The following EAF2 variants were observed in gnomAD, a reference collection of about 807,000 sequenced individuals.
EAF2 encodes ELL associated factor 2.
A neutral mutation model predicts 29.4 loss-of-function variants in EAF2; 29 were observed. The observed-to-expected ratio is 0.99, with a 90% confidence interval of 0.73 to 1.35. The LOEUF is 1.35. Among genes scored for constraint, EAF2 ranks in the 40% most tolerant of loss-of-function variants. The pLI is 0.00. For missense variants in EAF2, 292 were observed against 312.0 expected (o/e 0.94, Z 0.48); for synonymous variants, 103 against 102.5 (o/e 1.00, Z -0.03).
chr3:121,841,874 T>C (rs6781857), intron 1 of EAF2, among the ~76,000 whole-genome samples: 37,312 of 151,318 alleles, frequency 0.25, 4,865 homozygotes, highest in Non-Finnish European at 0.28. Flanking sequence ...GATATGGTGG[T>C]GCACGCCCGT....
intron 4 of EAF2, among the ~76,000 whole-genome samples, chr3:121,863,764 A>C: frequency 6.6e-6 from 1 of 150,776 alleles, no homozygotes; most frequent in Non-Finnish European, 1.5e-5. Flanking sequence ...GAAATCACCC[A>C]TCTTCTGCGT....
Position 121,868,233 on chromosome 3 carries a change from T to C in EAF2, c.485-4304T>C, listed in dbSNP as rs140478405. On this transcript the variant is annotated intron_variant, in intron 4 of 5. Transcript: ENST00000273668. ...AGCTTGAAAGTAAAAGAATAGAAAA[T>C]ATATACCATTTAAACATTAATTTTA... Among the ~76,000 whole-genome samples, 569 of 152,164 alleles carry C rather than the reference T, an allele frequency of 3.7e-3. 3 individuals are homozygous for C. Among genetic ancestry groups the C allele is most frequent in the African/African-American group, 0.013 (534 of 41,514 alleles).
intron 1 of EAF2, among the ~76,000 whole-genome samples, chr3:121,835,629 A>T (rs961394678): frequency 7.2e-5 from 11 of 152,174 alleles, no homozygotes; most frequent in Non-Finnish European, 1.6e-4. Flanking sequence ...ACCAGCAGAC[A>T]GGAAGGGAAA....
At position 121,839,603 on chromosome 3, in the gene EAF2, A is replaced by G. The variant is rs145287500; in HGVS notation, c.106+4212A>G. Among the ~76,000 whole-genome samples, 388 of 152,340 alleles carry G rather than the reference A, an allele frequency of 2.5e-3. 1 individual carries two copies. Among genetic ancestry groups the G allele is most frequent in the African/African-American group, 8.9e-3 (371 of 41,572 alleles). On this transcript the variant is annotated intron_variant, in intron 1 of 5. Transcript: ENST00000273668. ...CAGAAGTATACCGGTGAAAAGTATG[A>G]AAGGAAAATGGCAGTCTAACCTAAA...
At chr3:121,865,724 G>T (rs563697525) in intron 4 of EAF2, among the ~76,000 whole-genome samples, 1 of 151,950 alleles carries the variant, frequency 6.6e-6, no homozygotes, top group Non-Finnish European at 1.5e-5. Context: ...TCCCCTACCC[G>T]GAGACAACTC....
intron 4 of EAF2, among the ~76,000 whole-genome samples, chr3:121,858,420 T>C (rs1360190233): frequency 6.6e-6 from 1 of 152,262 alleles, no homozygotes; most frequent in African/African-American, 2.4e-5. Context: ...TGATGACCAG[T>C]GATGATGAGC....
At chr3:121,879,672 G>T (rs1424350552) in intron 5 of EAF2, among the ~76,000 whole-genome samples, 3 of 145,480 alleles carry the variant, frequency 2.1e-5, no homozygotes, top group African/African-American at 7.6e-5. Context: ...TGAAGAGACT[G>T]TCCTTTCCCC....
At chr3:121,856,333 T>G (rs563242407) in intron 3 of EAF2, among the ~76,000 whole-genome samples, 9 of 151,130 alleles carry the variant, frequency 6.0e-5, no homozygotes, top group Non-Finnish European at 1.0e-4. Context: ...TTTTTTTTTT[T>G]GGTTGTTGTT....
At chr3:121,841,400 G>A (rs1457265546) in intron 1 of EAF2, among the ~76,000 whole-genome samples, 1 of 151,136 alleles carries the variant, frequency 6.6e-6, no homozygotes, top group Non-Finnish European at 1.5e-5. Context: ...AGCTACTCAG[G>A]AGGCTGAGGC....
At chr3:121,866,703 C>T (rs1265529784) in intron 4 of EAF2, among the ~76,000 whole-genome samples, 1 of 151,010 alleles carries the variant, frequency 6.6e-6, no homozygotes, top group South Asian at 2.1e-4. Context: ...CCAGCCTGGG[C>T]AACAGAGCAA....
chr3:121,851,318 C>CA (rs1261229696), intron 2 of EAF2, among the ~76,000 whole-genome samples: 1 of 151,422 alleles, frequency 6.6e-6, no homozygotes, highest in African/African-American at 2.4e-5. Flanking sequence ...GCTAGGACTA[C>CA]AAATGTGCAC....
intron 4 of EAF2, among the ~76,000 whole-genome samples, chr3:121,864,223 T>C (rs905476356): frequency 5.9e-5 from 9 of 152,290 alleles, no homozygotes; most frequent in African/African-American, 2.2e-4. Context: ...CTAAAGCATA[T>C]TTGCTTCTAC....
rs202213987 is a variant in EAF2 at position 121,856,319 on chromosome 3, C to CTT, written c.339-679_339-678dup. On this transcript the variant is annotated intron_variant, in intron 3 of 5. Coordinates refer to ENST00000273668, the MANE Select transcript of EAF2 (RefSeq NM_018456.6). ...CTTATCTGTTCAATTTAAGCAATGG[C>CTT]TTTTTTTTTTTTTTGGTTGTTGTTT... Among the ~76,000 whole-genome samples, 785 of 136,466 alleles carry CTT rather than the reference C, an allele frequency of 5.8e-3. 8 individuals carry two copies. The highest frequency in any genetic ancestry group is 0.014 in the South Asian group (60 of 4,208). The allele number at this position is 136,466 out of a possible 152,430, so 89.5% of individuals were successfully genotyped here. A position where few individuals can be genotyped will look rare whatever the true frequency, so the allele number is the denominator to read the frequency against.
chr3:121,854,914 G>A (rs1708693533), intron 3 of EAF2, 91 bp downstream of exon 3: 1 of 1,191,374 alleles, frequency 8.4e-7, no homozygotes, highest in African/African-American at 1.6e-5. Context: ...TATAATATAG[G>A]AGTTATTTCT....
intron 5 of EAF2, among the ~76,000 whole-genome samples, chr3:121,883,209 T>C (rs1709220885): frequency 6.6e-6 from 1 of 152,130 alleles, no homozygotes; most frequent in South Asian, 2.1e-4. Context: ...CAATTTTTCT[T>C]TTTATTTAAC....
intron 1 of EAF2, chr3:121,836,671 G>C: frequency 3.0e-6 from 3 of 987,778 alleles, no homozygotes; most frequent in Non-Finnish European, 3.6e-6. Flanking sequence ...ATGGTGCTGT[G>C]CTGGCTCTGC....
chr3:121,857,445 T>G (rs1708740014), intron 4 of EAF2, among the ~76,000 whole-genome samples: 1 of 151,176 alleles, frequency 6.6e-6, no homozygotes, highest in Non-Finnish European at 1.5e-5. Context: ...TGAGCTGAGA[T>G]TGCGCCACTG....
chr3:121,859,812 C>T (rs1362836790), intron 4 of EAF2, among the ~76,000 whole-genome samples: 2 of 152,128 alleles, frequency 1.3e-5, no homozygotes, highest in East Asian at 3.9e-4. Context: ...GTGGGTTTGT[C>T]ATAAATAGCT....
At chr3:121,847,065 A>T (rs1396119068) in intron 2 of EAF2, among the ~76,000 whole-genome samples, 1 of 152,192 alleles carries the variant, frequency 6.6e-6, no homozygotes, top group African/African-American at 2.4e-5. Flanking sequence ...AAAAAAGAAT[A>T]TGCCTCAGTA....
Sources: allele counts gnomAD v4.1 joint callset (sites outside exome capture counted in the v4.1 genomes callset), GRCh38; gene constraint gnomAD v4.1.1; transcripts MANE v1.5; gene names NCBI Gene and HGNC (gene_info 2026-07-23, HGNC 2026-07-21).